The following RGS9 variants were observed in gnomAD, a reference collection of about 807,000 sequenced individuals.
The protein encoded by RGS9 is regulator of G protein signaling 9.
RGS9 carries 78 observed loss-of-function variants against 102.0 expected under a neutral mutation model. The observed-to-expected ratio is 0.76, with a 90% CI of 0.64 to 0.92. The LOEUF is 0.92. RGS9 is among the 40% of genes least tolerant of loss of function. The probability of loss-of-function intolerance (pLI) is 0.00; values close to 1 mark genes in which losing one functional copy is unlikely to be tolerated. For missense variants in RGS9, 833 were observed against 866.1 expected (o/e 0.96, Z 0.48); for synonymous variants, 353 against 318.6 (o/e 1.11, Z -1.15).
At chr17:65,174,646 TG>T (rs2144029567) in intron 8 of RGS9, among the ~76,000 whole-genome samples, 1 of 152,176 alleles carries the variant, frequency 6.6e-6, no homozygotes, top group South Asian at 2.1e-4. Context: ...AGTATGCACG[TG>T]TGTGAGTGTG....
chr17:65,180,807 C>T (rs62065129), intron 9 of RGS9, among the ~76,000 whole-genome samples: 5,162 of 152,292 alleles, frequency 0.034, 123 homozygotes, highest in Middle Eastern at 0.051. Context: ...TCCCACCCTC[C>T]ACCCTCAAGT....
At chr17:65,157,342 C>T (rs779892247) in intron 2 of RGS9, among the ~76,000 whole-genome samples, 10 of 151,836 alleles carry the variant, frequency 6.6e-5, no homozygotes, top group African/African-American at 1.5e-4. Flanking sequence ...CTTGTGCCTA[C>T]GAGCTGTACC....
At position 65,204,246 on chromosome 17, in the gene RGS9, C is replaced by T; in HGVS notation, c.1148C>T (p.Pro383Leu). 1 of 1,613,552 alleles carries T rather than the reference C, an allele frequency of 6.2e-7. No individual in the cohort carries two copies. The highest frequency in any genetic ancestry group is 1.1e-5 in the South Asian group (1 of 91,034). Residue 383 changes from proline to leucine, a missense_variant, in exon 15 of 19, where the codon CCC becomes CTC. By Grantham distance (98) the Pro-to-Leu change is moderately conservative. Around this residue, in one of 3 missense-constraint regions of RGS9, gnomAD observed 185 missense variants for 248.7 expected, o/e 0.74. Coordinates refer to ENST00000262406, the MANE Select transcript of RGS9 (RefSeq NM_003835.4). ...MDITVKGLKH[P>L]HRYVLDAAQT... Reference sequence around the variant, plus strand: ...ATCACAGTGAAGGGGCTGAAGCACCCCCACCGCTATGTGCTGGACGCCGCA... The same window carrying T: ...ATCACAGTGAAGGGGCTGAAGCACCTCCACCGCTATGTGCTGGACGCCGCA...
intron 12 of RGS9, among the ~76,000 whole-genome samples, chr17:65,194,820 C>G (rs1484804268): frequency 6.6e-6 from 1 of 152,190 alleles, no homozygotes; most frequent in Non-Finnish European, 1.5e-5. Flanking sequence ...TAGGTCACAG[C>G]TTGGGTCAAC....
At chr17:65,142,055 G>A (rs2143948218) in intron 1 of RGS9, among the ~76,000 whole-genome samples, 1 of 152,320 alleles carries the variant, frequency 6.6e-6, no homozygotes, top group African/African-American at 2.4e-5. Context: ...AGGAGTTCAA[G>A]ACCAGCCTGG....
intron 9 of RGS9, 124 bp downstream of exon 9, chr17:65,177,927 G>A: frequency 1.3e-6 from 1 of 799,716 alleles, no homozygotes; most frequent in Non-Finnish European, 2.2e-6. Flanking sequence ...TCAAAGAGAG[G>A]AGGACCGTGG....
At chr17:65,153,968 A>G (rs1176480465) in intron 2 of RGS9, among the ~76,000 whole-genome samples, 1 of 152,136 alleles carries the variant, frequency 6.6e-6, no homozygotes, top group Non-Finnish European at 1.5e-5. Flanking sequence ...TCACTCATTT[A>G]TGTATTGTCT....
chr17:65,199,533 G>A (rs1224108592), intron 13 of RGS9, among the ~76,000 whole-genome samples: 1 of 119,754 alleles, frequency 8.4e-6, no homozygotes, highest in African/African-American at 3.2e-5. Context: ...TCACTCTGTC[G>A]CCCAGGCTGG....
chr17:65,160,637 T>C (rs755172674), intron 5 of RGS9, 50 bp downstream of exon 5: 23 of 1,581,324 alleles, frequency 1.5e-5, no homozygotes, highest in Non-Finnish European at 1.9e-5. Context: ...AACATGCTGC[T>C]TATTTACTTG....
chr17:65,217,723 G>A (rs1913567025), intron 17 of RGS9, among the ~76,000 whole-genome samples: 1 of 152,112 alleles, frequency 6.6e-6, no homozygotes, highest in East Asian at 1.9e-4. Flanking sequence ...ATCCTGGGGA[G>A]GTGGGGAGAT....
rs1372900468 is a variant in RGS9, at chr17:65,173,008, C to T, written c.583-4724C>T. ...CGTGATCTCAGCTCACTGCAACCTT[C>T]GCCTCCTGGGTTCCAGCGATTCTCC... On this transcript the variant is annotated intron_variant, in intron 8 of 18. Transcript: ENST00000262406. This position sits in a 1 kb window ranked among gnomAD's most constrained non-coding sequence, Gnocchi z 4.8. 6.6e-6 allele frequency among the ~76,000 whole-genome samples: 1 copy of T among 151,672 alleles called. No individual in the cohort carries two copies. The highest frequency in any genetic ancestry group is 1.5e-5 in the Non-Finnish European group (1 of 67,970).
chr17:65,212,248 G>T (rs150778982), intron 17 of RGS9, among the ~76,000 whole-genome samples: 6 of 152,314 alleles, frequency 3.9e-5, no homozygotes, highest in African/African-American at 1.4e-4. Flanking sequence ...GTCTCATGGC[G>T]AAAGATGGAT....
At chr17:65,174,592 TGA>T (rs199591295) in intron 8 of RGS9, among the ~76,000 whole-genome samples, 2 of 150,884 alleles carry the variant, frequency 1.3e-5, no homozygotes, top group Non-Finnish European at 3.0e-5. Context: ...TATGTATATG[TGA>T]GTGTGCCTAG....
intron 17 of RGS9, among the ~76,000 whole-genome samples, chr17:65,219,330 A>G (rs1913620106): frequency 6.6e-6 from 1 of 152,190 alleles, no homozygotes; most frequent in Non-Finnish European, 1.5e-5. Context: ...GAGGGCTTGC[A>G]AGCATCTGTG....
chr17:65,203,214 T>A (rs1377867983), intron 14 of RGS9, among the ~76,000 whole-genome samples: 1 of 152,032 alleles, frequency 6.6e-6, no homozygotes, highest in Non-Finnish European at 1.5e-5. Context: ...GTTCATACAC[T>A]CTATTGCAAA....
chr17:65,168,772 C>T (rs552442722), intron 8 of RGS9, among the ~76,000 whole-genome samples: 5 of 152,206 alleles, frequency 3.3e-5, no homozygotes, highest in South Asian at 2.1e-4. Context: ...AGAAGGAATA[C>T]GTCTGTGTTG....
At chr17:65,183,876 G>C (rs1912001810) in intron 9 of RGS9, among the ~76,000 whole-genome samples, 1 of 152,168 alleles carries the variant, frequency 6.6e-6, no homozygotes, top group Admixed American at 6.5e-5. Flanking sequence ...CTCCATCCGG[G>C]GTTTGCCAGT....
chr17:65,145,017 T>C (rs1321090120), intron 1 of RGS9, among the ~76,000 whole-genome samples: 1 of 152,204 alleles, frequency 6.6e-6, no homozygotes, highest in African/African-American at 2.4e-5. Flanking sequence ...ATCTGTGTCC[T>C]AATCTGTTCT....
rs1368715500 is a variant in RGS9 at position 65,225,750 on chromosome 17, A to G, written c.1892+264A>G. ...TTTTCCAAATCTCTTTTCCCCTTATATGTTCTTCCACTCACATTGTCCCAT... is the reference window on the plus strand; with the variant it reads ...TTTTCCAAATCTCTTTTCCCCTTATGTGTTCTTCCACTCACATTGTCCCAT... On this transcript the variant is annotated intron_variant, in intron 18 of 18. Transcript: ENST00000262406. Among the ~76,000 whole-genome samples, 3 of 152,080 alleles carry G rather than the reference A, an allele frequency of 2.0e-5. No individual in the cohort carries two copies. The East Asian group carries it at 5.8e-4, about 29-fold the overall frequency.
Sources: gnomAD v4.1 joint callset for allele counts (sites outside exome capture counted in the v4.1 genomes callset) on GRCh38, gnomAD v4.1.1 for gene constraint, gnomAD v4.1.1 regional missense constraint, Gnocchi (gnomAD v3.1) non-coding constraint, MANE v1.5 for transcripts, NCBI Gene and HGNC (gene_info 2026-07-23, HGNC 2026-07-21) for gene names.